STRN4: variants seen among roughly 807,000 people sequenced by gnomAD.
The protein encoded by STRN4 is striatin-4.
In STRN4, 27 loss-of-function variants were observed where a neutral mutation model predicts 77.9. The observed-to-expected ratio is 0.35, with a 90% CI of 0.26 to 0.48. STRN4 has a LOEUF of 0.48. STRN4 is among the 20% of genes least tolerant of loss of function. The pLI is 0.99. For missense variants in STRN4, 798 were observed against 1,049.7 expected, an observed-to-expected ratio of 0.76 and a Z score of 3.31; for synonymous variants, 466 against 443.1, an observed-to-expected ratio of 1.05 and a Z score of -0.65.
Position 46,741,066 on chromosome 19 carries a change from T to C in STRN4, c.283-2178A>G, listed in dbSNP as rs1171924997. Among the ~76,000 whole-genome samples, 1 of 152,052 alleles carries C rather than the reference T, an allele frequency of 6.6e-6. No individual in the cohort carries two copies. Among genetic ancestry groups the C allele is most frequent in the African/African-American group, 2.4e-5 (1 of 41,402 alleles). ...AGTACAGAGAGGTAACCGATTCGCA[T>C]GTTATAAAGGCAGCTCCAGCTAAAA... is the stretch of plus-strand genomic sequence containing the variant. On this transcript the variant is annotated intron_variant, in intron 1 of 17. Transcript: ENST00000263280. This position sits in a 1 kb window ranked among gnomAD's most constrained non-coding sequence, Gnocchi z 4.9.
chr19:46,728,028 G>T, intron 7 of STRN4, 21 bp from the exon 8 acceptor site: 2 of 1,608,162 alleles, frequency 1.2e-6, no homozygotes, highest in Non-Finnish European at 1.7e-6. Context: ...GAGGCATAGG[G>T]CCGGAGTCAC....
rs1196489961 is a variant in STRN4, at chr19:46,741,198, GA to G, written c.283-2311del. Among the ~76,000 whole-genome samples the G allele has an allele frequency of 6.6e-6, 1 of 152,190 alleles. No individual in the cohort carries two copies. The highest frequency in any genetic ancestry group is 6.5e-5 in the Admixed American group (1 of 15,278). On this transcript the variant is annotated intron_variant, in intron 1 of 17. Transcript: ENST00000263280. This position sits in a 1 kb window ranked among gnomAD's most constrained non-coding sequence, Gnocchi z 4.9. Reference sequence around the variant, plus strand: ...CCCATCACAGATGAGGGCAGTCCCAGAAATCCCAGGACAGAACGGTAGTGGC... The same window carrying G: ...CCCATCACAGATGAGGGCAGTCCCAGAATCCCAGGACAGAACGGTAGTGGC...
chr19:46,736,999 C>G (rs890550170), intron 3 of STRN4, 98 bp from the exon 4 acceptor site: 2 of 1,163,806 alleles, frequency 1.7e-6, no homozygotes, highest in Non-Finnish European at 2.5e-6. Flanking sequence ...AAATCGGTCA[C>G]TGTCGCAGGT....
rs765355353 is a variant in STRN4 at position 46,736,806 on chromosome 19, T to G, written c.539+17A>C. ...ACGTGTCACGTGTCCCCAGCCCCCCTCCCCGAGCACACTCACTGTCGGAGA... is the reference window on the plus strand; with the variant it reads ...ACGTGTCACGTGTCCCCAGCCCCCCGCCCCGAGCACACTCACTGTCGGAGA... On this transcript the variant is annotated intron_variant, in intron 4 of 17. Coordinates refer to ENST00000263280, the MANE Select transcript of STRN4 (RefSeq NM_013403.3). 6.3e-7 allele frequency: 1 copy of G among 1,594,466 alleles called. No individual in the cohort carries two copies. The highest frequency in any genetic ancestry group is 2.3e-5 in the East Asian group (1 of 44,298).
Position 46,725,522 on chromosome 19 carries a change from C to G in STRN4, c.1375G>C (p.Asp459His). 1 of 1,614,190 alleles carries G rather than the reference C, an allele frequency of 6.2e-7. No individual in the cohort carries two copies. Among genetic ancestry groups the G allele is most frequent in the Non-Finnish European group, 8.5e-7 (1 of 1,180,032 alleles). ...AGGTTCCAGAGCTTGAGCGTGCCGT[C>G]CTCGGAGGCGGTGAGCAGAGCCGAC... ...SQSALLTASE[D>H]GTLKLWNLQK... Residue 459 changes from aspartate (D) to histidine (H), a missense_variant, in exon 10 of 18, where the codon GAC (aspartate) becomes CAC (histidine). Coordinates refer to ENST00000263280, the MANE Select transcript of STRN4 (RefSeq NM_013403.3).
intron 1 of STRN4, among the ~76,000 whole-genome samples, chr19:46,743,681 CTT>C (rs1379971845): frequency 6.6e-6 from 1 of 152,108 alleles, no homozygotes; most frequent in Non-Finnish European, 1.5e-5. Context: ...AGGTGGATCT[CTT>C]GAGGCCAGGA....
chr19:46,725,794 T>G, intron 9 of STRN4, 146 bp from the exon 10 acceptor site: 1 of 1,030,202 alleles, frequency 9.7e-7, no homozygotes, highest in Non-Finnish European at 1.4e-6. Context: ...AGCCGGGAAC[T>G]CTCCCCTTCC....
At chr19:46,726,190 G>C (rs778251281) in intron 9 of STRN4, 1 of 155,456 alleles carries the variant, frequency 6.4e-6, no homozygotes, top group Non-Finnish European at 1.4e-5. Flanking sequence ...AAGGAGAGTG[G>C]CAGGGGATGA....
chr19:46,746,405 G>C lies in STRN4; in HGVS notation c.26C>G (p.Ala9Gly). 1.9e-6 allele frequency: 2 copies of C among 1,052,072 alleles called. No individual in the cohort carries two copies. The highest frequency in any genetic ancestry group is 2.3e-6 in the Non-Finnish European group (2 of 876,216). 65.2% of individuals were successfully genotyped at this position (1,052,072 alleles called of 1,614,324 possible). ...GCAGGAGGAGGCGGCGGCGGCGACC[G>C]CGGCGGCCGCTCGCTCCTCCATCAT... Reference protein sequence around the residue: MMEERAAAAVAAAASSCRP... With the variant: MMEERAAAGVAAAASSCRP... Residue 9 changes from alanine to glycine, a missense_variant, in exon 1 of 18, where the codon GCG becomes GGG. Ala to Gly is a moderately conservative substitution (Grantham distance 60). Around this residue, in one of 2 missense-constraint regions of STRN4, gnomAD observed 511 missense variants for 575.9 expected, o/e 0.89. Coordinates refer to ENST00000263280, the MANE Select transcript of STRN4 (RefSeq NM_013403.3).
chr19:46,738,204 G>T lies in STRN4; in HGVS notation c.420C>A (p.Asp140Glu). ...CTGCTTTCTTCTCCCCCTGGTTCAG[G>T]TCTGTCCCAAACTTCAGTTTATGAT... Reference protein sequence around the residue: ...AKYHKLKFGTDLNQGEKKADV... With the variant: ...AKYHKLKFGTELNQGEKKADV... The change falls in exon 3 of 18, where the codon GAC becomes GAA. Residue 140 changes from aspartate (D) to glutamate (E), a missense_variant. By Grantham distance (45) the Asp-to-Glu change is conservative. This residue lies in a region of STRN4 where 511 missense variants were observed against 575.9 expected (regional missense o/e 0.89). Coordinates refer to ENST00000263280, the MANE Select transcript of STRN4 (RefSeq NM_013403.3). The surrounding 1 kb of genome is among the most constrained non-coding windows in gnomAD (Gnocchi z 4.5). 6.2e-7 allele frequency: 1 copy of T among 1,614,136 alleles called. No homozygotes were observed.
Position 46,728,785 on chromosome 19 carries a change from A to G in STRN4, c.880-8T>C. On this transcript the variant is annotated splice_region_variant and splice_polypyrimidine_tract_variant and intron_variant, in intron 6 of 17. Transcript: ENST00000263280. ...CAGAGCCTTGGATGGGAGCTGGCAC[A>G]TGGAGAAAGCCAGACAAGTCAGGGG... 1.9e-6 allele frequency: 3 copies of G among 1,613,882 alleles called. No homozygotes were observed. The highest frequency in any genetic ancestry group is 1.3e-5 in the African/African-American group (1 of 75,056).
intron 5 of STRN4, chr19:46,731,402 T>TG (rs1338230190): frequency 6.4e-6 from 1 of 155,146 alleles, no homozygotes; most frequent in Non-Finnish European, 1.4e-5. Context: ...CAGCAACAGA[T>TG]GGCACTCCTC....
In STRN4 at chr19:46,738,141, T is replaced by C. The variant is rs1444901424; in HGVS notation, c.460+23A>G. ...AGCTTCTGCGGGAGGGTGCCGACAG[T>C]GCGAGCATCAGAGGGTGGGTACCTT... On this transcript the variant is annotated intron_variant, in intron 3 of 17. Transcript: ENST00000263280. The surrounding 1 kb of genome is among the most constrained non-coding windows in gnomAD (Gnocchi z 4.5). 4.3e-6 allele frequency: 7 copies of C among 1,612,580 alleles called. No individual in the cohort carries two copies. Among genetic ancestry groups the C allele is most frequent in the South Asian group, 1.1e-5 (1 of 91,046 alleles).
intron 1 of STRN4, 181 bp downstream of exon 1, chr19:46,745,968 G>T: frequency 1.4e-6 from 1 of 689,714 alleles, no homozygotes; most frequent in South Asian, 3.6e-5. Flanking sequence ...ACCCCGGAGT[G>T]CCCTCAGGAC....
intron 16 of STRN4, chr19:46,721,071 G>T (rs59604940): frequency 1.0e-5 from 3 of 292,922 alleles, no homozygotes; most frequent in Non-Finnish European, 1.9e-5. Context: ...TGACGCTGCA[G>T]CTGGGCAACA....
chr19:46,726,512 G>C (rs928183099), intron 9 of STRN4, among the ~76,000 whole-genome samples: 3 of 150,088 alleles, frequency 2.0e-5, no homozygotes, highest in African/African-American at 7.4e-5. Flanking sequence ...TAGCCTCAGA[G>C]AAAGAGGTTG....
chr19:46,746,085 C>T, intron 1 of STRN4, 64 bp downstream of exon 1: 2 of 1,285,116 alleles, frequency 1.6e-6, no homozygotes, highest in Non-Finnish European at 2.0e-6. Flanking sequence ...GCGGCGGCGG[C>T]AGCGGGTGAG....
At chr19:46,734,462 T>C (rs928140988) in intron 4 of STRN4, among the ~76,000 whole-genome samples, 17 of 152,222 alleles carry the variant, frequency 1.1e-4, no homozygotes, top group African/African-American at 3.9e-4. Context: ...AATACCTTCC[T>C]GATTTTTATC....
In STRN4 at chr19:46,728,621, G is replaced by A; in HGVS notation, c.1036C>T (p.Leu346=). The stretch of plus-strand genomic sequence containing the variant: ...TGGCCAGAAAACGTCAGCTCACCCA[G>A]CTCATGGGGGCTCCCATCCACAGTG... ...RCTVDGSPHE[L]ESRRVKLQGI... The change falls in exon 7 of 18, where the codon CTG becomes TTG. Residue 346 remains leucine (L), a synonymous_variant. Transcript: ENST00000263280. 6.2e-7 allele frequency: 1 copy of A among 1,612,938 alleles called. No homozygotes were observed.
Sources: allele counts gnomAD v4.1 joint callset (sites outside exome capture counted in the v4.1 genomes callset), GRCh38; gene constraint gnomAD v4.1.1; regional missense constraint gnomAD v4.1.1; non-coding constraint Gnocchi (gnomAD v3.1); transcripts MANE v1.5; gene names NCBI Gene and HGNC (gene_info 2026-07-23, HGNC 2026-07-21).